Variants in SRGAP3 observed in about 807,000 individuals in gnomAD.
SRGAP3 encodes the protein SLIT-ROBO Rho GTPase-activating protein 3.
Under a neutral mutation model 121.1 loss-of-function variants are expected in SRGAP3, and 39 were observed. The ratio of observed to expected loss-of-function variants is 0.32; its 90% CI spans 0.25 to 0.42. The LOEUF (loss-of-function observed/expected upper bound fraction) is 0.42, where lower values mean the gene tolerates loss of function less well. Ranked by LOEUF, SRGAP3 falls within the 10% of genes least tolerant of loss-of-function variation. The probability of loss-of-function intolerance (pLI) is 1.00; values close to 1 mark genes in which losing one functional copy is unlikely to be tolerated. For synonymous variants in SRGAP3, 601 were observed against 570.0 expected, an observed-to-expected ratio of 1.05 and a Z score of -0.77; for missense variants, 1,213 against 1,470.6, an observed-to-expected ratio of 0.82 and a Z score of 2.86.
At chr3:9,047,585 C>T in intron 9 of SRGAP3, 110 bp from the exon 10 acceptor site, 1 of 1,013,804 alleles carries the variant, frequency 9.9e-7, no homozygotes, top group Non-Finnish European at 1.5e-6. Flanking sequence ...ATCACGTCAC[C>T]CGCAGGGACC....
chr3:9,358,920 G>C (rs1215081183), intron 1 of SRGAP3, among the ~76,000 whole-genome samples: 1 of 152,190 alleles, frequency 6.6e-6, no homozygotes, highest in Non-Finnish European at 1.5e-5. Context: ...CAAGAAGGCA[G>C]ATTAATAAAA....
chr3:9,060,990 G>A (rs370621828), intron 5 of SRGAP3, among the ~76,000 whole-genome samples: 10 of 152,164 alleles, frequency 6.6e-5, no homozygotes, highest in African/African-American at 2.4e-4. Context: ...CCAACACTTT[G>A]GGAGGCTGAG....
At chr3:9,099,776 C>A (rs889136899) in intron 3 of SRGAP3, among the ~76,000 whole-genome samples, 2 of 152,142 alleles carry the variant, frequency 1.3e-5, no homozygotes, top group Non-Finnish European at 2.9e-5. Context: ...GGCTGGGGCC[C>A]AGCAGTCTGC....
At chr3:9,125,636 A>G (rs145720352) in intron 1 of SRGAP3, among the ~76,000 whole-genome samples, 197 of 152,356 alleles carry the variant, frequency 1.3e-3, no homozygotes, top group African/African-American at 4.5e-3. Context: ...CCAGGGCAAC[A>G]ATTCAAAAGC....
intron 3 of SRGAP3, among the ~76,000 whole-genome samples, chr3:9,080,674 C>G (rs1024635574): frequency 6.6e-6 from 1 of 152,148 alleles, no homozygotes; most frequent in Non-Finnish European, 1.5e-5. Context: ...GGTGGGTGAG[C>G]GGGCATTACC....
chr3:9,334,589 A>G (rs1315359137), intron 1 of SRGAP3, among the ~76,000 whole-genome samples: 1 of 152,144 alleles, frequency 6.6e-6, no homozygotes, highest in Non-Finnish European at 1.5e-5. Context: ...TAGTCACTAT[A>G]TTAGGCACTT....
At chr3:9,330,532 CGT>C (rs1339164616) in exon 2 of SRGAP3, 1 of 163,446 alleles carries the variant, frequency 6.1e-6, no homozygotes, top group Admixed American at 6.1e-5. Context: ...AGGTACCTTG[CGT>C]GTTCACTCAG....
chr3:9,281,367 A>C (rs1369672945), intron 3 of SRGAP3, among the ~76,000 whole-genome samples: 2 of 152,132 alleles, frequency 1.3e-5, no homozygotes. Context: ...AAACAGACTC[A>C]TGAAAATTAG....
intron 1 of SRGAP3, among the ~76,000 whole-genome samples, chr3:9,154,950 A>G (rs1206303762): frequency 3.3e-5 from 5 of 151,228 alleles, no homozygotes; most frequent in Non-Finnish European, 7.4e-5. Flanking sequence ...TGCAACCAAC[A>G]TATTTCATCA....
rs373709294 is a variant in SRGAP3, at chr3:8,985,641, C to T, written c.3178G>A (p.Val1060Met). The part of the protein sequence containing the change: ...AQLRPPPMRP[V>M]RPVVQHRSSS... ...GACCGGTGCTGGACCACCGGCCGCA[C>T]GGGCCGCATGGGGGGCGGGCGGAGC... The change falls in exon 22 of 22, where the codon GTG becomes ATG. Residue 1060 changes from valine to methionine, a missense_variant. Coordinates refer to ENST00000383836, the MANE Select transcript of SRGAP3 (RefSeq NM_014850.4). This position sits in a 1 kb window ranked among gnomAD's most constrained non-coding sequence, Gnocchi z 5.1. 1 of 1,595,084 alleles carries T rather than the reference C, an allele frequency of 6.3e-7. No individual in the cohort carries two copies. Among genetic ancestry groups the T allele is most frequent in the South Asian group, 1.1e-5 (1 of 90,788 alleles).
At chr3:9,235,114 G>A (rs1481991098) in intron 1 of SRGAP3, among the ~76,000 whole-genome samples, 1 of 152,144 alleles carries the variant, frequency 6.6e-6, no homozygotes, top group Non-Finnish European at 1.5e-5. Context: ...AGAGAGTGGT[G>A]TCCCCTCCCT....
At chr3:9,308,508 A>G (rs1955193825) in intron 3 of SRGAP3, among the ~76,000 whole-genome samples, 1 of 152,218 alleles carries the variant, frequency 6.6e-6, no homozygotes, top group Admixed American at 6.5e-5. Context: ...TAACAAAGGT[A>G]GCAATTATCA....
At chr3:9,202,884 CTTCCT>C (rs1385021750) in intron 1 of SRGAP3, among the ~76,000 whole-genome samples, 1 of 152,246 alleles carries the variant, frequency 6.6e-6, no homozygotes. Flanking sequence ...AGTAAGCCTC[CTTCCT>C]TTCCTTTTGT....
intron 3 of SRGAP3, among the ~76,000 whole-genome samples, chr3:9,255,253 T>C (rs1954106569): frequency 6.6e-6 from 1 of 152,134 alleles, no homozygotes; most frequent in South Asian, 2.1e-4. Flanking sequence ...GATATAGATA[T>C]AAACAGCAGC....
At chr3:9,169,549 T>C (rs1950903939) in intron 1 of SRGAP3, among the ~76,000 whole-genome samples, 1 of 152,204 alleles carries the variant, frequency 6.6e-6, no homozygotes. Context: ...CCCACACTAT[T>C]AACTACTAAT....
Position 9,133,092 on chromosome 3 carries a change from C to T in SRGAP3, c.68-8175G>A, listed in dbSNP as rs113683176. Among the ~76,000 whole-genome samples, 272 of 150,298 alleles carry T rather than the reference C, an allele frequency of 1.8e-3. 1 individual carries two copies. The highest frequency in any genetic ancestry group is 6.4e-3 in the African/African-American group (262 of 41,064). On this transcript the variant is annotated intron_variant, in intron 1 of 21. Coordinates refer to ENST00000383836, the MANE Select transcript of SRGAP3 (RefSeq NM_014850.4). ...AGAGAATATCTATATATAGAATTTA[C>T]ATATATAGAATGTTAAATATATTAT...
At chr3:9,196,417 C>T (rs897846395) in intron 1 of SRGAP3, among the ~76,000 whole-genome samples, 2 of 152,232 alleles carry the variant, frequency 1.3e-5, no homozygotes, top group African/African-American at 4.8e-5. Flanking sequence ...GGATCATTTA[C>T]TGCCACTGAT....
chr3:8,990,560 G>A lies in SRGAP3; in HGVS notation c.2838C>T (p.His946=), dbSNP rs1490443809. Reference sequence around the variant, plus strand: ...GGGACTTGTGGTCCCCTAGGCTGCTGTGCCTGGTGGAACCGCAGGTCGACC... The same window carrying A: ...GGGACTTGTGGTCCCCTAGGCTGCTATGCCTGGTGGAACCGCAGGTCGACC... The part of the protein sequence containing the change: ...SMRSTCGSTR[H]SSLGDHKSLE... The change falls in exon 21 of 22, where the codon CAC becomes CAT. Residue 946 remains histidine, a synonymous_variant. Transcript: ENST00000383836. The A allele has an allele frequency of 1.9e-6, 3 of 1,581,868 alleles. No individual in the cohort carries two copies. Among genetic ancestry groups the A allele is most frequent in the East Asian group, 2.3e-5 (1 of 43,340 alleles).
Position 9,027,835 on chromosome 3 carries a change from C to A in SRGAP3, c.1540-840G>T, listed in dbSNP as rs562277062. On this transcript the variant is annotated intron_variant, in intron 12 of 21. Transcript: ENST00000383836. ...TCTTTTAAACTTTCTTTAAAAGGGGCCAAATCAAAGGCCTAGCCTCCTCAC... is the reference window on the plus strand; with the variant it reads ...TCTTTTAAACTTTCTTTAAAAGGGGACAAATCAAAGGCCTAGCCTCCTCAC... Among the ~76,000 whole-genome samples the A allele has an allele frequency of 3.9e-5, 6 of 152,334 alleles. No homozygotes were observed. In the South Asian group the frequency reaches 1.2e-3, roughly 32 times the overall value.
Sources: allele counts gnomAD v4.1 joint callset (sites outside exome capture counted in the v4.1 genomes callset), GRCh38; gene constraint gnomAD v4.1.1; non-coding constraint Gnocchi (gnomAD v3.1); transcripts MANE v1.5; gene names NCBI Gene and HGNC (gene_info 2026-07-23, HGNC 2026-07-21).